The following GALNT13 variants were observed in gnomAD, a reference collection of about 807,000 sequenced individuals.
GALNT13 encodes the protein UDP-GalNAc:polypeptide N-acetylgalactosaminyltransferase 13.
GALNT13 carries 28 observed loss-of-function variants against 64.2 expected under a neutral mutation model. The ratio of observed to expected loss-of-function variants is 0.44; its 90% CI spans 0.32 to 0.60. The LOEUF is 0.60. Among genes scored for constraint, GALNT13 ranks in the 20% least tolerant of loss-of-function variants. The pLI, the probability that GALNT13 is intolerant of heterozygous loss-of-function variation, is 0.05. For missense variants in GALNT13, 577 were observed against 669.8 expected, an observed-to-expected ratio of 0.86 and a Z score of 1.53; for synonymous variants, 214 against 224.6, an observed-to-expected ratio of 0.95 and a Z score of 0.42.
chr2:154,026,096 A>G (rs1697943237), intron 3 of GALNT13, among the ~76,000 whole-genome samples: 2 of 152,196 alleles, frequency 1.3e-5, no homozygotes, highest in South Asian at 2.1e-4. Context: ...TGATTATATA[A>G]CAGTAGAAGA....
At chr2:154,449,102 A>G (rs893132644) in intron 12 of GALNT13, among the ~76,000 whole-genome samples, 6 of 151,906 alleles carry the variant, frequency 3.9e-5, no homozygotes, top group African/African-American at 1.4e-4. Flanking sequence ...CTTCTTGCCT[A>G]TCTTTGGCCA....
chr2:153,972,951 A>G (rs756397179), intron 3 of GALNT13, among the ~76,000 whole-genome samples: 8 of 152,082 alleles, frequency 5.3e-5, no homozygotes, highest in Non-Finnish European at 8.8e-5. Context: ...GAGTTTTAGA[A>G]CTGGTCACAA....
At chr2:154,421,726 T>C (rs1309446939) in intron 11 of GALNT13, among the ~76,000 whole-genome samples, 1 of 152,134 alleles carries the variant, frequency 6.6e-6, no homozygotes. Flanking sequence ...ATTTGAAGCA[T>C]GTGTTAGCAG....
the GALNT13 span, among the ~76,000 whole-genome samples, chr2:153,460,435 C>A: frequency 6.6e-6 from 1 of 152,028 alleles, no homozygotes; most frequent in East Asian, 1.9e-4. Flanking sequence ...TCTATTTACC[C>A]ACGATTAGAC....
the GALNT13 span, among the ~76,000 whole-genome samples, chr2:153,258,089 G>C: frequency 6.6e-6 from 1 of 152,102 alleles, no homozygotes; most frequent in Non-Finnish European, 1.5e-5. Flanking sequence ...GCTGGACTCA[G>C]CTTTAAAAAA....
chr2:154,237,050 C>A (rs553578939), intron 4 of GALNT13, among the ~76,000 whole-genome samples: 1 of 152,012 alleles, frequency 6.6e-6, no homozygotes, highest in South Asian at 2.1e-4. Flanking sequence ...AGGCAGAAAT[C>A]ATTAGTATTA....
chr2:153,385,482 T>C, the GALNT13 span, among the ~76,000 whole-genome samples: 2 of 151,866 alleles, frequency 1.3e-5, no homozygotes, highest in African/African-American at 4.8e-5. Context: ...AATCTAAAAG[T>C]CAAAACAATT....
At chr2:153,287,176 T>C in the GALNT13 span, among the ~76,000 whole-genome samples, 1 of 152,156 alleles carries the variant, frequency 6.6e-6, no homozygotes, top group Non-Finnish European at 1.5e-5. Flanking sequence ...AGGCACGCGA[T>C]GGGGGTGTGG....
chr2:153,380,433 C>T, the GALNT13 span, among the ~76,000 whole-genome samples: 1 of 152,058 alleles, frequency 6.6e-6, no homozygotes, highest in South Asian at 2.1e-4. Context: ...GAATGCACAA[C>T]TGCCCTCCAT....
At chr2:153,875,353 G>C (rs1465313159) in intron 1 of GALNT13, among the ~76,000 whole-genome samples, 1 of 152,074 alleles carries the variant, frequency 6.6e-6, no homozygotes, top group Non-Finnish European at 1.5e-5. Flanking sequence ...ACTTGATACT[G>C]TACCCAATTT....
the GALNT13 span, among the ~76,000 whole-genome samples, chr2:153,399,585 C>T: frequency 6.6e-6 from 1 of 151,766 alleles, no homozygotes; most frequent in Non-Finnish European, 1.5e-5. Context: ...TTGTTTGTAT[C>T]CTCTTTTATT....
intron 1 of GALNT13, among the ~76,000 whole-genome samples, chr2:153,873,800 CAG>C (rs1686159460): frequency 6.6e-6 from 1 of 152,108 alleles, no homozygotes; most frequent in African/African-American, 2.4e-5. Context: ...TGCCTTTCCT[CAG>C]AGTCTCAGTC....
chr2:153,278,635 T>G, the GALNT13 span, among the ~76,000 whole-genome samples: 1 of 152,118 alleles, frequency 6.6e-6, no homozygotes, highest in Non-Finnish European at 1.5e-5. Context: ...TGCTTATTCT[T>G]GTCAACATTG....
At chr2:153,933,948 C>T (rs1690716136) in intron 2 of GALNT13, among the ~76,000 whole-genome samples, 1 of 152,094 alleles carries the variant, frequency 6.6e-6, no homozygotes, top group South Asian at 2.1e-4. Context: ...TATAAGGTTT[C>T]TACTGAAAAG....
At chr2:153,394,880 G>T in the GALNT13 span, among the ~76,000 whole-genome samples, 2 of 152,104 alleles carry the variant, frequency 1.3e-5, no homozygotes, top group Admixed American at 6.5e-5. Context: ...AGTCTGCTCA[G>T]GATCTCACAA....
chr2:153,080,280 A>T, the GALNT13 span, among the ~76,000 whole-genome samples: 21 of 151,554 alleles, frequency 1.4e-4, no homozygotes, highest in East Asian at 4.1e-3. Context: ...TTTAGGTTGG[A>T]TGTTTATTTT....
At chr2:154,399,681 G>T (rs1699210822) in intron 10 of GALNT13, among the ~76,000 whole-genome samples, 1 of 151,884 alleles carries the variant, frequency 6.6e-6, no homozygotes, top group South Asian at 2.1e-4. Context: ...ACTACAATGG[G>T]GATTAGATTT....
intron 3 of GALNT13, among the ~76,000 whole-genome samples, chr2:154,119,758 A>G (rs1027034795): frequency 3.2e-4 from 49 of 152,086 alleles, no homozygotes; most frequent in African/African-American, 1.2e-3. Flanking sequence ...TTTTATCTCT[A>G]GGATTCCTAT....
intron 4 of GALNT13, among the ~76,000 whole-genome samples, chr2:154,212,395 C>T (rs1158592682): frequency 6.6e-6 from 1 of 152,002 alleles, no homozygotes; most frequent in Non-Finnish European, 1.5e-5. Flanking sequence ...AGGTGCTCGC[C>T]ACCACGCCCG....
Sources: allele counts gnomAD v4.1 joint callset (sites outside exome capture counted in the v4.1 genomes callset), GRCh38; gene constraint gnomAD v4.1.1; transcripts MANE v1.5; gene names NCBI Gene and HGNC (gene_info 2026-07-23, HGNC 2026-07-21).